Variants in MUC5B observed in about 807,000 individuals in gnomAD.
The protein encoded by MUC5B is mucin 5B, oligomeric mucus/gel-forming, also known as mucin-5B.
A neutral mutation model predicts 376.9 loss-of-function variants in MUC5B; 116 were observed. The observed-to-expected ratio is 0.31, with a 90% confidence interval of 0.26 to 0.36. MUC5B has a LOEUF of 0.36. Among genes scored for constraint, MUC5B ranks in the 10% least tolerant of loss-of-function variants. MUC5B has a pLI of 1.00. For synonymous variants in MUC5B, 3,517 were observed against 3,390.9 expected, an observed-to-expected ratio of 1.04 and a Z score of -1.29; for missense variants, 7,165 against 7,769.9, an observed-to-expected ratio of 0.92 and a Z score of 2.93.
Position 1,251,108 on chromosome 11 carries a change from C to G in MUC5B, c.14228C>G (p.Thr4743Arg). The change falls in exon 31 of 49, where the codon ACA becomes AGA. Residue 4743 changes from threonine (T) to arginine (R), a missense_variant. Physicochemically the swap from Thr to Arg is moderately conservative, Grantham distance 71. Coordinates refer to ENST00000529681, the MANE Select transcript of MUC5B (RefSeq NM_002458.3). The part of the protein sequence containing the change: ...TTLPVLTSTA[T>R]KSTATSFTPI... Reference sequence around the variant, plus strand: ...CTTCCAGTGCTGACAAGCACAGCCACAAAATCCACAGCTACCAGCTTTACA... The same window carrying G: ...CTTCCAGTGCTGACAAGCACAGCCAGAAAATCCACAGCTACCAGCTTTACA... The G allele has an allele frequency of 6.2e-7, 1 of 1,611,430 alleles. No individual in the cohort carries two copies. The highest frequency in any genetic ancestry group is 8.5e-7 in the Non-Finnish European group (1 of 1,178,286).
intron 1 of MUC5B, among the ~76,000 whole-genome samples, chr11:1,224,556 A>G (rs1007116471): frequency 5.0e-4 from 3 of 5,996 alleles, no homozygotes; most frequent in African/African-American, 7.0e-4. Context: ...AGGGCCAGGG[A>G]GGGGCTGCCT....
At position 1,244,724 on chromosome 11, in the gene MUC5B, G is replaced by A. The variant is rs1183063222; in HGVS notation, c.7844G>A (p.Gly2615Asp). 1 of 1,609,408 alleles carries A rather than the reference G, an allele frequency of 6.2e-7. No individual in the cohort carries two copies. Among genetic ancestry groups the A allele is most frequent in the Admixed American group, 1.7e-5 (1 of 59,528 alleles). ...TTKVLTTTTT[G>D]FTATPSSSPG... is the part of the protein sequence containing the mutation. Reference sequence around the variant, plus strand: ...AAAGTGCTGACTACCACAACCACGGGCTTCACAGCCACCCCCTCCTCCAGC... The same window carrying A: ...AAAGTGCTGACTACCACAACCACGGACTTCACAGCCACCCCCTCCTCCAGC... The change falls in exon 31 of 49, where the codon GGC (glycine) becomes GAC (aspartate). Residue 2615 changes from glycine (G) to aspartate (D), a missense_variant. Gly to Asp is a moderately conservative substitution (Grantham distance 94). Around this residue, in one of 31 missense-constraint regions of MUC5B, gnomAD observed 141 missense variants for 111.2 expected, o/e 1.27. Coordinates refer to ENST00000529681, the MANE Select transcript of MUC5B (RefSeq NM_002458.3).
rs1300553344 is a variant in MUC5B at position 1,257,150 on chromosome 11, G to A, written c.16238-90G>A. The A allele has an allele frequency of 5.2e-6, 4 of 768,870 alleles. No individual in the cohort carries two copies. The highest frequency in any genetic ancestry group is 5.2e-5 in the Admixed American group (3 of 57,870). 47.6% of individuals were successfully genotyped at this position (768,870 alleles called of 1,614,324 possible). A position where few individuals can be genotyped will look rare whatever the true frequency, so the allele number is the denominator to read the frequency against. ...GGCCTTCCATCCCGGGGGGAAGCAG[G>A]CTCCAGGCCTGAGAGCACCTCCCAT... On this transcript the variant is annotated intron_variant, in intron 39 of 48. Coordinates refer to ENST00000529681, the MANE Select transcript of MUC5B (RefSeq NM_002458.3). The surrounding 1 kb of genome is among the most constrained non-coding windows in gnomAD (Gnocchi z 8.9).
In MUC5B at chr11:1,259,968, T is replaced by C. The variant is rs111629933; in HGVS notation, c.16806T>C (p.Asn5602=). The part of the protein sequence containing the change: ...LTPDGQPVQL[N]ETWVNSHVDN... ...CACTCACCCTTGCATTTCAGCTGAA[T>C]GAAACCTGGGTCAACAGCCATGTGG... is the stretch of plus-strand genomic sequence containing the variant. The change falls in exon 46 of 49, where the codon AAT becomes AAC. Residue 5602 remains asparagine (N), a synonymous_variant. Coordinates refer to ENST00000529681, the MANE Select transcript of MUC5B (RefSeq NM_002458.3). 1,071 of 1,612,996 alleles carry C rather than the reference T, an allele frequency of 6.6e-4. 14 individuals are homozygous for C. The African/African-American group carries it at 0.013, about 19-fold the overall frequency.
rs765021407 is a variant in MUC5B, at chr11:1,261,731, G to A, written c.*123G>A. On this transcript the variant is annotated 3_prime_UTR_variant, in exon 49 of 49. Transcript: ENST00000529681. Reference sequence around the variant, plus strand: ...GCCTGTGTGTGGCACCCCGCGCTCCGTGCTCCTGCTGCCCACCCCGTGGGT... The same window carrying A: ...GCCTGTGTGTGGCACCCCGCGCTCCATGCTCCTGCTGCCCACCCCGTGGGT... The A allele has an allele frequency of 3.4e-5, 34 of 1,006,980 alleles. No individual in the cohort carries two copies. Among genetic ancestry groups the A allele is most frequent in the East Asian group, 1.3e-4 (5 of 38,610 alleles). 62.4% of individuals were successfully genotyped at this position (1,006,980 alleles called of 1,614,324 possible).
chr11:1,232,895 C>G, intron 17 of MUC5B, 118 bp from the exon 18 acceptor site: 1 of 1,460,286 alleles, frequency 6.8e-7, no homozygotes, highest in Non-Finnish European at 9.0e-7. Context: ...ATCCCAGCCT[C>G]GCAAGAACCT....
chr11:1,247,917 T>C lies in MUC5B; in HGVS notation c.11037T>C (p.Ser3679=). 6.2e-7 allele frequency: 1 copy of C among 1,611,834 alleles called. No homozygotes were observed. The highest frequency in any genetic ancestry group is 8.5e-7 in the Non-Finnish European group (1 of 1,178,962). ...GCCCCAGCACCCCGGCCACCAGCTC[T>C]ACGGCCACGCCCTCCTCAACTCCGG... ...GHCPSTPATS[S]TATPSSTPGT... The change falls in exon 31 of 49, where the codon TCT becomes TCC. Residue 3679 remains serine (S), a synonymous_variant. Transcript: ENST00000529681.
chr11:1,256,110 G>GC (rs750308465), intron 37 of MUC5B, 46 bp from the exon 38 acceptor site: 18 of 708,914 alleles, frequency 2.5e-5, no homozygotes, highest in Middle Eastern at 2.3e-4. Flanking sequence ...GCGGCCCTGG[G>GC]CCCCCCCAAC....
rs1862520441 is a variant in MUC5B, at chr11:1,247,430, G to C, written c.10550G>C (p.Arg3517Thr). 1 of 1,608,728 alleles carries C rather than the reference G, an allele frequency of 6.2e-7. No homozygotes were observed. The stretch of plus-strand genomic sequence containing the variant: ...CTGTCCAGCCCTCACCCTAGCAGCA[G>C]GACCACCGAGTCACCCCCTTCTCCA... ...PALSSPHPSS[R>T]TTESPPSPGT... The change falls in exon 31 of 49, where the codon AGG (arginine) becomes ACG (threonine). Residue 3517 changes from arginine to threonine, a missense_variant. This residue lies in a region of MUC5B where 939 missense variants were observed against 770.6 expected (regional missense o/e 1.22). Coordinates refer to ENST00000529681, the MANE Select transcript of MUC5B (RefSeq NM_002458.3).
chr11:1,240,425 G>C, intron 30 of MUC5B, 50 bp downstream of exon 30: 2 of 1,505,412 alleles, frequency 1.3e-6, no homozygotes, highest in Non-Finnish European at 1.8e-6. Context: ...GGGTGACAAG[G>C]AGGACCCCCT....
In MUC5B at chr11:1,248,859, C is replaced by G. The variant is rs1367956502; in HGVS notation, c.11979C>G (p.Ser3993=). The G allele has an allele frequency of 9.0e-6, 14 of 1,547,928 alleles. No homozygotes were observed. The South Asian group carries it at 1.7e-4, about 18-fold the overall frequency. Residue 3993 remains serine (S), a synonymous_variant, in exon 31 of 49, where the codon TCC becomes TCG. Coordinates refer to ENST00000529681, the MANE Select transcript of MUC5B (RefSeq NM_002458.3). ...CCACCAGCAGCACAGTGACTCCCTC[C>G]TCTGCCCTAGGGACCACCCACACAC... ...PAATSSTVTP[S]SALGTTHTPP... is the part of the protein sequence containing the mutation.
rs201155330 is a variant in MUC5B, at chr11:1,247,733, G to A, written c.10853G>A (p.Arg3618His). ...VCEQPLGLEC[R>H]AQAQPGVPLR... ...GAGCAGCCCCTGGGCCTCGAGTGCC[G>A]TGCCCAGGCCCAGCCTGGTGTCCCC... Residue 3618 changes from arginine (R) to histidine (H), a missense_variant, in exon 31 of 49, where the codon CGT (arginine) becomes CAT (histidine). This residue lies in a region of MUC5B where 81 missense variants were observed against 154.5 expected (regional missense o/e 0.52). Transcript: ENST00000529681. The A allele has an allele frequency of 5.3e-4, 856 of 1,604,864 alleles. 16 individuals carry two copies. Among genetic ancestry groups the A allele is most frequent in the Middle Eastern group, 2.0e-3 (9 of 4,416 alleles).
In MUC5B at chr11:1,246,778, C is replaced by G; in HGVS notation, c.9898C>G (p.Pro3300Ala). 6.2e-7 allele frequency: 1 copy of G among 1,610,970 alleles called. No homozygotes were observed. Among genetic ancestry groups the G allele is most frequent in the Non-Finnish European group, 8.5e-7 (1 of 1,178,282 alleles). The part of the protein sequence containing the change: ...TGSVATPSST[P>A]GTAHTTKVPT... ...CTCTGTGGCCACCCCCTCCTCCACC[C>G]CAGGAACAGCTCACACTACCAAAGT... Residue 3300 changes from proline to alanine, a missense_variant, in exon 31 of 49, where the codon CCA becomes GCA. Physicochemically the swap from Pro to Ala is conservative, Grantham distance 27. Transcript: ENST00000529681.
rs772655651 is a variant in MUC5B at position 1,239,904 on chromosome 11, T to C, written c.3689T>C (p.Val1230Ala). Reference protein sequence around the residue: ...CYDKDGNYYDVGARVPTAENC... With the variant: ...CYDKDGNYYDAGARVPTAENC... ...GACAAGGACGGAAACTACTATGACGTCGGTGCAAGGGTCCCCACAGCGGAG... is the reference window on the plus strand; with the variant it reads ...GACAAGGACGGAAACTACTATGACGCCGGTGCAAGGGTCCCCACAGCGGAG... Residue 1230 changes from valine to alanine, a missense_variant, in exon 28 of 49, where the codon GTC (valine) becomes GCC (alanine). By Grantham distance (64) the Val-to-Ala change is moderately conservative. This residue lies in a region of MUC5B where 517 missense variants were observed against 545.3 expected (regional missense o/e 0.95). Transcript: ENST00000529681. 5 of 1,613,178 alleles carry C rather than the reference T, an allele frequency of 3.1e-6. No homozygotes were observed. In the African/African-American group the frequency reaches 6.7e-5, roughly 22 times the overall value.
Position 1,230,069 on chromosome 11 carries a change from G to A in MUC5B, c.1285G>A (p.Gly429Ser). The part of the protein sequence containing the change: ...LPCPGTCSVQ[G>S]GAHISTYDEK... ...GTGCCCTGGCACCTGCTCTGTGCAG[G>A]GCGGGGCCCACATCTCCACCTATGA... is the stretch of plus-strand genomic sequence containing the variant. The change falls in exon 11 of 49, where the codon GGC becomes AGC. Residue 429 changes from glycine (G) to serine (S), a missense_variant. This residue lies in a region of MUC5B where 640 missense variants were observed against 733.0 expected (regional missense o/e 0.87). Transcript: ENST00000529681. The A allele has an allele frequency of 6.2e-7, 1 of 1,612,136 alleles. No homozygotes were observed. Among genetic ancestry groups the A allele is most frequent in the East Asian group, 2.2e-5 (1 of 44,876 alleles).
In MUC5B at chr11:1,243,643, C is replaced by G. The variant is rs753956671; in HGVS notation, c.6763C>G (p.Pro2255Ala). ...TQHSTPALSS[P>A]HPSSRTTESP... ...GCACTCGACTCCAGCCCTTTCCAGC[C>G]CTCACCCTAGCAGCAGAACCACCGA... The change falls in exon 31 of 49, where the codon CCT becomes GCT. Residue 2255 changes from proline to alanine, a missense_variant. Coordinates refer to ENST00000529681, the MANE Select transcript of MUC5B (RefSeq NM_002458.3). 6.2e-7 allele frequency: 1 copy of G among 1,611,222 alleles called. No homozygotes were observed. Among genetic ancestry groups the G allele is most frequent in the Non-Finnish European group, 8.5e-7 (1 of 1,179,418 alleles).
Position 1,232,099 on chromosome 11 carries a change from G to T in MUC5B, c.1782G>T (p.Gln594His), listed in dbSNP as rs377534364. ...CCTTCGCCAACACCTGGAAGGCCCA[G>T]GCTGCCTGTGCCAATGCCAGGAACA... ...GAAFANTWKA[Q>H]AACANARNSF... is the part of the protein sequence containing the mutation. Residue 594 changes from glutamine (Q) to histidine (H), a missense_variant, in exon 15 of 49, where the codon CAG (glutamine) becomes CAT (histidine). Transcript: ENST00000529681. The T allele has an allele frequency of 1.2e-6, 2 of 1,612,668 alleles. No individual in the cohort carries two copies. Among genetic ancestry groups the T allele is most frequent in the Non-Finnish European group, 1.7e-6 (2 of 1,179,776 alleles).
In MUC5B at chr11:1,225,728, A is replaced by C. The variant is rs1216731281; in HGVS notation, c.118A>C (p.Met40Leu). 1 of 1,605,006 alleles carries C rather than the reference A, an allele frequency of 6.2e-7. No individual in the cohort carries two copies. The highest frequency in any genetic ancestry group is 8.5e-7 in the Non-Finnish European group (1 of 1,176,314). Reference sequence around the variant, plus strand: ...GAGCTGGGAGAATGCAGGGCACACCATGGATGGCGGTATGTGGCCAGGTTC... The same window carrying C: ...GAGCTGGGAGAATGCAGGGCACACCCTGGATGGCGGTATGTGGCCAGGTTC... ...EPSWENAGHTMDGGAPTSSPT... is the reference protein window; with the variant it reads ...EPSWENAGHTLDGGAPTSSPT... The change falls in exon 2 of 49, where the codon ATG (methionine) becomes CTG (leucine). Residue 40 changes from methionine to leucine, a missense_variant. Around this residue, in one of 31 missense-constraint regions of MUC5B, gnomAD observed 640 missense variants for 733.0 expected, o/e 0.87. Coordinates refer to ENST00000529681, the MANE Select transcript of MUC5B (RefSeq NM_002458.3).
At position 1,257,860 on chromosome 11, in the gene MUC5B, C is replaced by A; in HGVS notation, c.16450+150C>A. 9.7e-7 allele frequency: 1 copy of A among 1,034,612 alleles called. No individual in the cohort carries two copies. Among genetic ancestry groups the A allele is most frequent in the Non-Finnish European group, 1.4e-6 (1 of 729,108 alleles). 64.1% of individuals were successfully genotyped at this position (1,034,612 alleles called of 1,614,324 possible). ...GGCAGGACCACTCGGCAGAGATGGC[C>A]TCCAGGTGCTTCATTCTCCTCCTAA... On this transcript the variant is annotated intron_variant, in intron 41 of 48. Coordinates refer to ENST00000529681, the MANE Select transcript of MUC5B (RefSeq NM_002458.3). The surrounding 1 kb of genome is among the most constrained non-coding windows in gnomAD (Gnocchi z 8.9).
Sources: gnomAD v4.1 joint callset for allele counts (sites outside exome capture counted in the v4.1 genomes callset) on GRCh38, gnomAD v4.1.1 for gene constraint, gnomAD v4.1.1 regional missense constraint, Gnocchi (gnomAD v3.1) non-coding constraint, MANE v1.5 for transcripts, NCBI Gene and HGNC (gene_info 2026-07-23, HGNC 2026-07-21) for gene names.